PTPN3: variants seen among roughly 807,000 people sequenced by gnomAD.
The protein encoded by PTPN3 is protein tyrosine phosphatase non-receptor type 3, also known as tyrosine-protein phosphatase non-receptor type 3.
PTPN3 carries 96 observed loss-of-function variants against 132.7 expected under a neutral mutation model. That is an observed-to-expected ratio of 0.72 (90% CI 0.61 to 0.86). PTPN3 has a LOEUF of 0.86. Ranked by LOEUF, PTPN3 falls within the 40% of genes least tolerant of loss-of-function variation. The probability of loss-of-function intolerance (pLI) is 0.00; values close to 1 mark genes in which losing one functional copy is unlikely to be tolerated. For missense variants in PTPN3, 1,125 were observed against 1,159.6 expected, an observed-to-expected ratio of 0.97 and a Z score of 0.43; for synonymous variants, 398 against 429.0, an observed-to-expected ratio of 0.93 and a Z score of 0.89.
intron 1 of PTPN3, among the ~76,000 whole-genome samples, chr9:109,477,285 T>C (rs1156929327): frequency 6.6e-6 from 1 of 152,212 alleles, no homozygotes; most frequent in Non-Finnish European, 1.5e-5. Flanking sequence ...GAGGCTCTCA[T>C]GTTGGTAAAT....
chr9:109,527,044 A>C, the PTPN3 span, among the ~76,000 whole-genome samples: 1 of 152,248 alleles, frequency 6.6e-6, no homozygotes, highest in Non-Finnish European at 1.5e-5. Flanking sequence ...AAAATAATGA[A>C]GATTCTAAAG....
the PTPN3 span, among the ~76,000 whole-genome samples, chr9:109,514,844 TG>T: frequency 2.0e-5 from 3 of 152,252 alleles, no homozygotes; most frequent in South Asian, 6.2e-4. Context: ...AATATGCTTG[TG>T]GGGTTAAGCT....
chr9:109,443,933 A>G (rs1844669103), intron 7 of PTPN3, among the ~76,000 whole-genome samples: 1 of 152,046 alleles, frequency 6.6e-6, no homozygotes, highest in African/African-American at 2.4e-5. Flanking sequence ...GTGGGTGGGT[A>G]AGCTGCAGGC....
At chr9:109,425,829 C>G (rs186586819) in intron 12 of PTPN3, among the ~76,000 whole-genome samples, 104 of 151,124 alleles carry the variant, frequency 6.9e-4, no homozygotes, top group African/African-American at 2.4e-3. Flanking sequence ...GCTGGCCAAC[C>G]ATGGTGAAAC....
At chr9:109,398,310 T>A (rs758370800) in intron 19 of PTPN3, among the ~76,000 whole-genome samples, 2 of 152,192 alleles carry the variant, frequency 1.3e-5, no homozygotes, top group Non-Finnish European at 2.9e-5. Context: ...GAAGATACAA[T>A]TGCTCTCATT....
At chr9:109,466,919 C>T (rs1263214138) in intron 1 of PTPN3, among the ~76,000 whole-genome samples, 1 of 152,126 alleles carries the variant, frequency 6.6e-6, no homozygotes, top group Non-Finnish European at 1.5e-5. Flanking sequence ...GAAAGTACAT[C>T]CAGGAAGAGA....
Position 109,379,622 on chromosome 9 carries a change from C to G in PTPN3, c.2676G>C (p.Lys892Asn), listed in dbSNP as rs778922967. ...AMMVQTSSQY[K>N]FVCEAILRVY... ...CACGAAGAATCGCTTCACACACAAA[C>G]TTGTACTGGCTCTGGAAAAGAAAAA... The change falls in exon 26 of 26, where the codon AAG becomes AAC. Residue 892 changes from lysine to asparagine, a missense_variant. Lys to Asn is a moderately conservative substitution (Grantham distance 94). Transcript: ENST00000374541. The G allele has an allele frequency of 2.8e-5, 45 of 1,614,068 alleles. No homozygotes were observed. Among genetic ancestry groups the G allele is most frequent in the Non-Finnish European group, 3.5e-5 (41 of 1,179,914 alleles).
Position 109,377,450 on chromosome 9 carries a change from AC to A in PTPN3, c.*2105del. On this transcript the variant is annotated 3_prime_UTR_variant, in exon 26 of 26. Coordinates refer to ENST00000374541, the MANE Select transcript of PTPN3 (RefSeq NM_002829.4). ...CACACACACACACACACACACACAC[AC>A]ACACACAAGCCAGGTGAGGTGGCAT... 1 of 129,840 alleles carries A rather than the reference AC, an allele frequency of 7.7e-6. No individual in the cohort carries two copies. The highest frequency in any genetic ancestry group is 1.6e-5 in the Non-Finnish European group (1 of 61,490). The allele number at this position is 129,840 out of a possible 1,614,324, so 8.0% of individuals were successfully genotyped here.
At position 109,474,148 on chromosome 9, in the gene PTPN3, C is replaced by A. The variant is rs935835533; in HGVS notation, c.-17-10697G>T. ...GTGAACCCAGACACTTAAGAGCCAGCAAACCTGCCTCCTGGGAGAAAAATA... is the reference window on the plus strand; with the variant it reads ...GTGAACCCAGACACTTAAGAGCCAGAAAACCTGCCTCCTGGGAGAAAAATA... On this transcript the variant is annotated intron_variant, in intron 1 of 25. Coordinates refer to ENST00000374541, the MANE Select transcript of PTPN3 (RefSeq NM_002829.4). Among the ~76,000 whole-genome samples, 9 of 152,076 alleles carry A rather than the reference C, an allele frequency of 5.9e-5. No homozygotes were observed. The East Asian group carries it at 1.7e-3, about 29-fold the overall frequency.
Position 109,442,182 on chromosome 9 carries a change from GAAC to G in PTPN3, c.466+3055_466+3057del, listed in dbSNP as rs1844525333. ...CTCACCTCAGCCTCCCCAGTAACTT[GAAC>G]TACAGGGGTGTACCACCACACCTGG... On this transcript the variant is annotated intron_variant, in intron 7 of 25. Transcript: ENST00000374541. Among the ~76,000 whole-genome samples the G allele has an allele frequency of 2.6e-5, 4 of 152,040 alleles. No individual in the cohort carries two copies. In the South Asian group the frequency reaches 8.3e-4, roughly 32 times the overall value.
At chr9:109,401,029 C>T (rs1286684205) in intron 19 of PTPN3, among the ~76,000 whole-genome samples, 1 of 152,124 alleles carries the variant, frequency 6.6e-6, no homozygotes, top group Admixed American at 6.5e-5. Context: ...ACAGAGCAGA[C>T]CTGCTTTCAT....
chr9:109,414,959 G>A (rs1842356376), intron 14 of PTPN3, among the ~76,000 whole-genome samples: 1 of 152,100 alleles, frequency 6.6e-6, no homozygotes. Context: ...GGCAGAGGGG[G>A]CATCCCATTG....
chr9:109,418,598 G>A (rs745907083), intron 14 of PTPN3, among the ~76,000 whole-genome samples: 13 of 152,184 alleles, frequency 8.5e-5, no homozygotes, highest in East Asian at 5.8e-4. Flanking sequence ...TGGAATAAAC[G>A]TGTTAGTCTA....
intron 1 of PTPN3, among the ~76,000 whole-genome samples, chr9:109,481,500 C>T (rs1484330620): frequency 6.6e-6 from 1 of 152,172 alleles, no homozygotes; most frequent in South Asian, 2.1e-4. Flanking sequence ...ACGTGCTGTT[C>T]CCTCTCCTTG....
In PTPN3 at chr9:109,426,999, T is replaced by C. The variant is rs1345848069; in HGVS notation, c.952A>G (p.Lys318Glu). ...GTCCAGTACTGAGACAGAACATTCTTTTCCTGAGGTAGTAGCTTCTTTGCC... is the reference window on the plus strand; with the variant it reads ...GTCCAGTACTGAGACAGAACATTCTCTTCCTGAGGTAGTAGCTTCTTTGCC... ...FQAKKLLPQE[K>E]NVLSQYWTMG... is the part of the protein sequence containing the mutation. Residue 318 changes from lysine to glutamate, a missense_variant, in exon 12 of 26, where the codon AAG becomes GAG. Lys to Glu is a moderately conservative substitution (Grantham distance 56). Transcript: ENST00000374541. The C allele has an allele frequency of 6.2e-7, 1 of 1,613,940 alleles. No individual in the cohort carries two copies. The highest frequency in any genetic ancestry group is 1.7e-5 in the Admixed American group (1 of 60,030).
Position 109,418,898 on chromosome 9 carries a change from C to T in PTPN3, c.1313+1526G>A, listed in dbSNP as rs112750181. On this transcript the variant is annotated intron_variant, in intron 14 of 25. Transcript: ENST00000374541. ...TGACGCAGCAGGTGTGAGTGGGCTT[C>T]CCAGAGCCCTCCAACGCTTCCCTAA... 6.7e-3 allele frequency among the ~76,000 whole-genome samples: 1,013 copies of T among 152,316 alleles called. 11 individuals are homozygous for T. The highest frequency in any genetic ancestry group is 0.023 in the African/African-American group (953 of 41,558).
intron 5 of PTPN3, among the ~76,000 whole-genome samples, chr9:109,452,178 G>A (rs1476854887): frequency 6.9e-6 from 1 of 143,964 alleles, no homozygotes; most frequent in Non-Finnish European, 1.5e-5. Flanking sequence ...TGAGGCAGGA[G>A]AATCGCTTGA....
chr9:109,434,283 C>G, intron 9 of PTPN3, among the ~76,000 whole-genome samples: 1 of 150,454 alleles, frequency 6.6e-6, no homozygotes, highest in African/African-American at 2.4e-5. Context: ...GCTGGGACTA[C>G]AGGCATGTGC....
chr9:109,425,345 G>A (rs557727302), intron 12 of PTPN3, among the ~76,000 whole-genome samples: 1 of 152,184 alleles, frequency 6.6e-6, no homozygotes, highest in African/African-American at 2.4e-5. Flanking sequence ...GCTCAGACAC[G>A]GGTCTCATTT....
Sources: allele counts gnomAD v4.1 joint callset (sites outside exome capture counted in the v4.1 genomes callset), GRCh38; gene constraint gnomAD v4.1.1; transcripts MANE v1.5; gene names NCBI Gene and HGNC (gene_info 2026-07-23, HGNC 2026-07-21).